Variants in FIG4 observed in about 807,000 individuals in gnomAD.
FIG4 encodes the protein FIG4 phosphoinositide 5-phosphatase, also known as polyphosphoinositide phosphatase.
FIG4 carries 112 observed loss-of-function variants against 118.6 expected under a neutral mutation model. The ratio of observed to expected loss-of-function variants is 0.94; its 90% CI spans 0.81 to 1.11. FIG4 has a LOEUF of 1.11. Among genes scored for constraint, FIG4 ranks in the 50% least tolerant of loss-of-function variants. The pLI, the probability that FIG4 is intolerant of heterozygous loss-of-function variation, is 0.00. For synonymous variants in FIG4, 369 were observed against 381.2 expected, an observed-to-expected ratio of 0.97 and a Z score of 0.37; for missense variants, 969 against 1,111.7, an observed-to-expected ratio of 0.87 and a Z score of 1.83.
chr6:109,721,220 AGT>A (rs1562645320), intron 3 of FIG4, among the ~76,000 whole-genome samples: 7 of 152,212 alleles, frequency 4.6e-5, no homozygotes. Flanking sequence ...ACACCAAAAA[AGT>A]GTGAGTCTCA....
chr6:109,814,854 A>G (rs904702705), intron 22 of FIG4, among the ~76,000 whole-genome samples: 3 of 152,148 alleles, frequency 2.0e-5, no homozygotes, highest in African/African-American at 7.2e-5. Flanking sequence ...TTTAGTGGAA[A>G]ATGACATTAA....
At chr6:109,701,156 G>A (rs566788398) in intron 1 of FIG4, among the ~76,000 whole-genome samples, 33 of 152,344 alleles carry the variant, frequency 2.2e-4, no homozygotes, top group African/African-American at 7.7e-4. Flanking sequence ...AGGAAAGGGA[G>A]CTGTGTTGGC....
intron 4 of FIG4, among the ~76,000 whole-genome samples, chr6:109,729,250 A>G (rs974973323): frequency 6.6e-6 from 1 of 152,224 alleles, no homozygotes; most frequent in African/African-American, 2.4e-5. Flanking sequence ...TGTTTGCAGA[A>G]AACATATTTG....
intron 10 of FIG4, among the ~76,000 whole-genome samples, chr6:109,752,207 A>G (rs1776730362): frequency 6.6e-6 from 1 of 151,884 alleles, no homozygotes; most frequent in Non-Finnish European, 1.5e-5. Context: ...CATGGTGTAT[A>G]TGTGCCACAT....
chr6:109,819,304 G>T (rs918615472), intron 22 of FIG4, among the ~76,000 whole-genome samples: 12 of 152,230 alleles, frequency 7.9e-5, no homozygotes, highest in Non-Finnish European at 1.5e-4. Flanking sequence ...ACCTTGCTCA[G>T]ATAGTAGAGT....
chr6:109,727,222 A>G lies in FIG4; in HGVS notation c.403A>G (p.Ile135Val). The change falls in exon 4 of 23, where the codon ATA (isoleucine) becomes GTA (valine). Residue 135 changes from isoleucine (I) to valine (V), a missense_variant. Around this residue, in one of 3 missense-constraint regions of FIG4, gnomAD observed 393 missense variants for 409.4 expected, o/e 0.96. Transcript: ENST00000230124. ...GGTCGAAGATACAAATATGATCTAT[A>G]TACCCAATGATTCTGTACGGGTTAC... is the stretch of plus-strand genomic sequence containing the variant. ...YKVEDTNMIY[I>V]PNDSVRVTHP... 3 of 1,612,880 alleles carry G rather than the reference A, an allele frequency of 1.9e-6. No individual in the cohort carries two copies. The highest frequency in any genetic ancestry group is 2.5e-6 in the Non-Finnish European group (3 of 1,178,974).
chr6:109,699,026 T>A (rs998591191), intron 1 of FIG4, among the ~76,000 whole-genome samples: 17 of 152,206 alleles, frequency 1.1e-4, no homozygotes, highest in African/African-American at 3.6e-4. Flanking sequence ...TTTCTGAAAG[T>A]GATTATATGA....
intron 18 of FIG4, among the ~76,000 whole-genome samples, chr6:109,788,866 G>A (rs1238822325): frequency 6.6e-6 from 1 of 152,196 alleles, no homozygotes; most frequent in Admixed American, 6.5e-5. Context: ...TGGAACTGTT[G>A]CGTTTTTGGC....
intron 10 of FIG4, among the ~76,000 whole-genome samples, chr6:109,759,325 G>T (rs1306864417): frequency 6.6e-6 from 1 of 151,996 alleles, no homozygotes; most frequent in Non-Finnish European, 1.5e-5. Flanking sequence ...TAGATATTGG[G>T]CTGATGGATG....
intron 16 of FIG4, among the ~76,000 whole-genome samples, chr6:109,778,002 T>C (rs1376519356): frequency 6.6e-6 from 1 of 152,198 alleles, no homozygotes; most frequent in Non-Finnish European, 1.5e-5. Context: ...TGAGGAGTCA[T>C]GTACTATAAT....
At chr6:109,776,615 A>G (rs751369926) in intron 15 of FIG4, among the ~76,000 whole-genome samples, 27 of 152,200 alleles carry the variant, frequency 1.8e-4, no homozygotes, top group Non-Finnish European at 3.4e-4. Context: ...TAAAATTGCT[A>G]TCTAAGGTAT....
At chr6:109,707,279 G>GTGTA (rs1554298616) in intron 1 of FIG4, among the ~76,000 whole-genome samples, 4 of 145,412 alleles carry the variant, frequency 2.8e-5, no homozygotes, top group African/African-American at 7.7e-5. Context: ...GTGTGTGTGT[G>GTGTA]TATATATATA....
chr6:109,704,513 A>C (rs528821682), intron 1 of FIG4, among the ~76,000 whole-genome samples: 32 of 152,072 alleles, frequency 2.1e-4, no homozygotes, highest in African/African-American at 6.0e-4. Context: ...ACAACAACAA[A>C]AAAAATTAGC....
chr6:109,735,345 A>C, intron 6 of FIG4, 47 bp downstream of exon 6: 1 of 1,520,844 alleles, frequency 6.6e-7, no homozygotes, highest in South Asian at 1.1e-5. Flanking sequence ...GGTATCCATG[A>C]AGTGATATCT....
At chr6:109,762,874 C>T (rs192119920) in intron 12 of FIG4, among the ~76,000 whole-genome samples, 2 of 152,180 alleles carry the variant, frequency 1.3e-5, no homozygotes, top group East Asian at 1.9e-4. Context: ...TGAAAGGACT[C>T]CGCCTATTGT....
At chr6:109,712,907 T>C (rs1404238981) in intron 1 of FIG4, among the ~76,000 whole-genome samples, 1 of 152,196 alleles carries the variant, frequency 6.6e-6, no homozygotes, top group Non-Finnish European at 1.5e-5. Context: ...ATATGGCCTT[T>C]TTTTCTTTTA....
rs1260202032 is a variant in FIG4, at chr6:109,789,581, C to T, written c.2097-13C>T. On this transcript the variant is annotated splice_polypyrimidine_tract_variant and intron_variant, in intron 18 of 22. Transcript: ENST00000230124. ...AGTAATTCATATGTAATTGTGTTTT[C>T]ACCTTTCTTTAGTGACTTTATGCCT... is the stretch of plus-strand genomic sequence containing the variant. 6.2e-7 allele frequency: 1 copy of T among 1,601,188 alleles called. No homozygotes were observed.
intron 1 of FIG4, among the ~76,000 whole-genome samples, chr6:109,702,963 C>T (rs1313761386): frequency 6.6e-6 from 1 of 152,140 alleles, no homozygotes; most frequent in Admixed American, 6.5e-5. Flanking sequence ...TTCCCTTCAC[C>T]GTTACCCTAT....
At chr6:109,807,559 C>T (rs1778600675) in intron 22 of FIG4, among the ~76,000 whole-genome samples, 2 of 152,200 alleles carry the variant, frequency 1.3e-5, no homozygotes. Context: ...CTGTAGGTTG[C>T]CTGTTCACTC....
Sources: allele counts gnomAD v4.1 joint callset (sites outside exome capture counted in the v4.1 genomes callset), GRCh38; gene constraint gnomAD v4.1.1; regional missense constraint gnomAD v4.1.1; transcripts MANE v1.5; gene names NCBI Gene and HGNC (gene_info 2026-07-23, HGNC 2026-07-21).